The following PTPRT variants were observed in gnomAD, a reference collection of about 807,000 sequenced individuals.
The protein encoded by PTPRT is receptor-type tyrosine-protein phosphatase T.
In PTPRT, 56 loss-of-function variants were observed where a neutral mutation model predicts 176.8. The observed-to-expected ratio is 0.32, with a 90% CI of 0.26 to 0.40. The LOEUF is 0.40. Ranked by LOEUF, PTPRT falls within the 10% of genes least tolerant of loss-of-function variation. The pLI, the probability that PTPRT is intolerant of heterozygous loss-of-function variation, is 1.00. For missense variants in PTPRT, 1,540 were observed against 1,908.2 expected, an observed-to-expected ratio of 0.81 and a Z score of 3.60; for synonymous variants, 783 against 739.0, an observed-to-expected ratio of 1.06 and a Z score of -0.96.
At chr20:42,958,057 G>A (rs206661) in intron 1 of PTPRT, among the ~76,000 whole-genome samples, 2,714 of 150,454 alleles carry the variant, frequency 0.018, 87 homozygotes, top group African/African-American at 0.063. Flanking sequence ...CAGAGAGAGC[G>A]GCAGACAGGC....
At chr20:42,643,548 C>T (rs142747725) in intron 7 of PTPRT, among the ~76,000 whole-genome samples, 3 of 151,290 alleles carry the variant, frequency 2.0e-5, no homozygotes, top group Admixed American at 6.6e-5. Context: ...AGCTCCTGGG[C>T]TCAAGCAATC....
intron 9 of PTPRT, among the ~76,000 whole-genome samples, chr20:42,406,046 A>T (rs1347554226): frequency 2.6e-5 from 4 of 152,200 alleles, no homozygotes; most frequent in Non-Finnish European, 5.9e-5. Flanking sequence ...CAAGAAAAAG[A>T]GACAATTTCA....
intron 6 of PTPRT, among the ~76,000 whole-genome samples, chr20:42,721,314 T>G (rs2044401709): frequency 6.6e-6 from 1 of 152,056 alleles, no homozygotes; most frequent in Non-Finnish European, 1.5e-5. Context: ...TCAAGGGAAG[T>G]GCATGATGGT....
chr20:42,176,641 G>A (rs1197221966), intron 16 of PTPRT, among the ~76,000 whole-genome samples: 1 of 152,148 alleles, frequency 6.6e-6, no homozygotes, highest in African/African-American at 2.4e-5. Flanking sequence ...AATACAGACT[G>A]CTCCTATTTT....
At chr20:43,179,479 G>GT (rs1600775499) in intron 1 of PTPRT, among the ~76,000 whole-genome samples, 1 of 152,134 alleles carries the variant, frequency 6.6e-6, no homozygotes, top group Admixed American at 6.5e-5. Flanking sequence ...ATCTATTGGT[G>GT]TTTTTTATAA....
intron 9 of PTPRT, among the ~76,000 whole-genome samples, chr20:42,388,875 C>G (rs1252700745): frequency 2.0e-5 from 3 of 152,150 alleles, no homozygotes; most frequent in Non-Finnish European, 4.4e-5. Context: ...GGAACCAACC[C>G]AAATGTCCAT....
chr20:42,632,804 A>G (rs6016855), intron 7 of PTPRT, among the ~76,000 whole-genome samples: 40,214 of 151,758 alleles, frequency 0.26, 5,610 homozygotes, highest in Middle Eastern at 0.32. Flanking sequence ...GGATGGTCTC[A>G]GGGACCCCTG....
intron 8 of PTPRT, among the ~76,000 whole-genome samples, chr20:42,454,784 T>C (rs1178993247): frequency 6.6e-6 from 1 of 152,234 alleles, no homozygotes; most frequent in Non-Finnish European, 1.5e-5. Flanking sequence ...AGTTTTTGTA[T>C]GGGAGAAAGA....
chr20:42,617,715 G>C (rs2145845305), intron 7 of PTPRT, among the ~76,000 whole-genome samples: 1 of 139,566 alleles, frequency 7.2e-6, no homozygotes, highest in South Asian at 2.2e-4. Context: ...AGATTTTCTA[G>C]TTTATTTGCG....
Position 43,094,076 on chromosome 20 carries a change from T to A in PTPRT, c.88+95570A>T, listed in dbSNP as rs535769005. ...CACAATCCTATTTCTTCTCTGTTTT[T>A]TTCTTTCTTTCTTTCTTTTTTTTTT... On this transcript the variant is annotated intron_variant, in intron 1 of 30. Coordinates refer to ENST00000373187, the MANE Select transcript of PTPRT (RefSeq NM_007050.6). Among the ~76,000 whole-genome samples, 5 of 138,218 alleles carry A rather than the reference T, an allele frequency of 3.6e-5. No individual in the cohort carries two copies. The East Asian group carries it at 9.9e-4, about 27-fold the overall frequency. 90.7% of individuals were successfully genotyped at this position (138,218 alleles called of 152,430 possible).
At chr20:42,457,818 T>C (rs1344054997) in intron 8 of PTPRT, among the ~76,000 whole-genome samples, 4 of 152,148 alleles carry the variant, frequency 2.6e-5, no homozygotes, top group Admixed American at 1.3e-4. Flanking sequence ...CTTCCTGTAA[T>C]TGTTTCTTTA....
intron 7 of PTPRT, among the ~76,000 whole-genome samples, chr20:42,677,494 G>GA (rs1401192369): frequency 6.6e-6 from 1 of 152,054 alleles, no homozygotes; most frequent in Non-Finnish European, 1.5e-5. Flanking sequence ...AGCCCTCGGA[G>GA]AAATTATTAG....
At chr20:42,397,938 T>C (rs1328269334) in intron 9 of PTPRT, among the ~76,000 whole-genome samples, 1 of 152,232 alleles carries the variant, frequency 6.6e-6, no homozygotes, top group Non-Finnish European at 1.5e-5. Context: ...CCAGTCATTT[T>C]CTTGGGCAAT....
intron 9 of PTPRT, among the ~76,000 whole-genome samples, chr20:42,430,909 A>G (rs567686323): frequency 6.6e-6 from 1 of 152,160 alleles, no homozygotes; most frequent in Non-Finnish European, 1.5e-5. Flanking sequence ...ACTCAACACA[A>G]TACTTAAAAC....
chr20:42,700,495 C>T (rs1280807021), intron 6 of PTPRT, among the ~76,000 whole-genome samples: 1 of 152,166 alleles, frequency 6.6e-6, no homozygotes, highest in Non-Finnish European at 1.5e-5. Context: ...TGCTAATGGC[C>T]CATGCACAGA....
chr20:42,817,985 C>T (rs981598894), intron 2 of PTPRT, among the ~76,000 whole-genome samples: 4 of 152,114 alleles, frequency 2.6e-5, no homozygotes, highest in African/African-American at 9.7e-5. Flanking sequence ...AGTAGGTTTC[C>T]CCCCAGCAAA....
chr20:42,068,152 G>A (rs964849209), downstream of PTPRT, among the ~76,000 whole-genome samples: 1 of 152,140 alleles, frequency 6.6e-6, no homozygotes. Context: ...GCATTTCTGG[G>A]TAGCACACTC....
chr20:43,087,995 C>A (rs573159009), intron 1 of PTPRT, among the ~76,000 whole-genome samples: 2 of 152,268 alleles, frequency 1.3e-5, no homozygotes, highest in African/African-American at 4.8e-5. Flanking sequence ...CTGTACTTAA[C>A]TAAAATATTC....
rs368122414 is a variant in PTPRT at position 42,477,657 on chromosome 20, C to T, written c.1154-5095G>A. Among the ~76,000 whole-genome samples, 434 of 152,286 alleles carry T rather than the reference C, an allele frequency of 2.8e-3. 19 individuals carry two copies. The South Asian group carries it at 0.085, about 30-fold the overall frequency. ...TGAATTTACATCCCCCGTGTAAATA[C>T]AGCCAAGCCTAGAGCCTATGGTTTC... On this transcript the variant is annotated intron_variant, in intron 7 of 30. Coordinates refer to ENST00000373187, the MANE Select transcript of PTPRT (RefSeq NM_007050.6).
Sources: allele counts gnomAD v4.1 joint callset (sites outside exome capture counted in the v4.1 genomes callset), GRCh38; gene constraint gnomAD v4.1.1; transcripts MANE v1.5; gene names NCBI Gene and HGNC (gene_info 2026-07-23, HGNC 2026-07-21).